The following ZHX2 variants were observed in gnomAD, a reference collection of about 807,000 sequenced individuals.
ZHX2 encodes zinc fingers and homeoboxes 2.
In ZHX2, 6 loss-of-function variants were observed where a neutral mutation model predicts 21.9. The ratio of observed to expected loss-of-function variants is 0.27; its 90% CI spans 0.15 to 0.54. The LOEUF is 0.54. Among genes scored for constraint, ZHX2 ranks in the 20% least tolerant of loss-of-function variants. The pLI, the probability that ZHX2 is intolerant of heterozygous loss-of-function variation, is 0.95. For synonymous variants in ZHX2, 434 were observed against 437.1 expected (o/e 0.99, Z 0.09); for missense variants, 908 against 1,090.7 (o/e 0.83, Z 2.36).
chr8:122,952,236 C>T lies in ZHX2; in HGVS notation c.726C>T (p.Val242=). Residue 242 remains valine, a synonymous_variant, in exon 3 of 4, where the codon GTC becomes GTT. Transcript: ENST00000314393. The surrounding 1 kb of genome is among the most constrained non-coding windows in gnomAD (Gnocchi z 6.9). Reference sequence around the variant, plus strand: ...TCCTCCAAGACACATTAGGACACGTCATGCCTTCTGTACAGCTGCCACCAA... The same window carrying T: ...TCCTCCAAGACACATTAGGACACGTTATGCCTTCTGTACAGCTGCCACCAA... ...VELLQDTLGH[V]MPSVQLPPNI... 5 of 1,614,040 alleles carry T rather than the reference C, an allele frequency of 3.1e-6. No individual in the cohort carries two copies. Among genetic ancestry groups the T allele is most frequent in the Non-Finnish European group, 4.2e-6 (5 of 1,180,014 alleles).
Position 122,953,309 on chromosome 8 carries a change from A to G in ZHX2, c.1799A>G (p.Lys600Arg), listed in dbSNP as rs1382488405. The G allele has an allele frequency of 6.2e-7, 1 of 1,614,020 alleles. No homozygotes were observed. The highest frequency in any genetic ancestry group is 1.7e-5 in the Admixed American group (1 of 60,012). The part of the protein sequence containing the change: ...AVLDSMGSGK[K>R]GQDVGAPNGA... ...TTGGATTCCATGGGGTCTGGCAAAA[A>G]AGGCCAAGATGTGGGAGCCCCCAAT... The change falls in exon 3 of 4, where the codon AAA becomes AGA. Residue 600 changes from lysine (K) to arginine (R), a missense_variant. By Grantham distance (26) the Lys-to-Arg change is conservative. Coordinates refer to ENST00000314393, the MANE Select transcript of ZHX2 (RefSeq NM_014943.5). This position sits in a 1 kb window ranked among gnomAD's most constrained non-coding sequence, Gnocchi z 4.6.
chr8:122,901,114 A>T (rs187842887), intron 2 of ZHX2, among the ~76,000 whole-genome samples: 16 of 152,368 alleles, frequency 1.1e-4, no homozygotes, highest in South Asian at 4.1e-4. Flanking sequence ...TGATTTTTTT[A>T]AATTATTAAG....
At chr8:122,832,217 C>T (rs1818392811) in intron 1 of ZHX2, among the ~76,000 whole-genome samples, 1 of 152,146 alleles carries the variant, frequency 6.6e-6, no homozygotes, top group Non-Finnish European at 1.5e-5. Context: ...ATAGAGCATA[C>T]AGTTGGAGGA....
intron 2 of ZHX2, among the ~76,000 whole-genome samples, chr8:122,865,560 G>A (rs1266624743): frequency 6.6e-6 from 1 of 152,142 alleles, no homozygotes; most frequent in Non-Finnish European, 1.5e-5. Context: ...AGCCCAGGGA[G>A]GCAATGTCTG....
intron 2 of ZHX2, among the ~76,000 whole-genome samples, chr8:122,897,657 CCTCACA>C (rs1820131870): frequency 6.6e-6 from 1 of 151,926 alleles, no homozygotes; most frequent in Non-Finnish European, 1.5e-5. Context: ...CAGAGTATTG[CCTCACA>C]TATGATGTGA....
intron 1 of ZHX2, among the ~76,000 whole-genome samples, chr8:122,846,978 G>A (rs1300407021): frequency 6.6e-6 from 1 of 152,112 alleles, no homozygotes. Context: ...GAGTTGAGCT[G>A]GATAAGGTAC....
At chr8:122,809,560 C>T (rs930258512) in intron 1 of ZHX2, among the ~76,000 whole-genome samples, 2 of 152,106 alleles carry the variant, frequency 1.3e-5, no homozygotes, top group Non-Finnish European at 2.9e-5. Flanking sequence ...AAACTAACCT[C>T]ACAGGGGAAA....
intron 1 of ZHX2, among the ~76,000 whole-genome samples, chr8:122,797,080 A>C (rs747038588): frequency 6.6e-6 from 1 of 152,206 alleles, no homozygotes; most frequent in Non-Finnish European, 1.5e-5. Context: ...CCTCTGGGAT[A>C]GGCATTGGAT....
intron 2 of ZHX2, among the ~76,000 whole-genome samples, chr8:122,923,367 G>A (rs1294006105): frequency 6.6e-6 from 1 of 152,234 alleles, no homozygotes; most frequent in Non-Finnish European, 1.5e-5. Context: ...CTTCCTCACA[G>A]CATGGTGGCC....
intron 1 of ZHX2, among the ~76,000 whole-genome samples, chr8:122,792,668 G>A (rs892245833): frequency 1.6e-4 from 25 of 152,258 alleles, no homozygotes; most frequent in African/African-American, 6.0e-4. Context: ...TTACAGGTGG[G>A]GGAACTGAGG....
At chr8:122,908,440 C>A (rs540352774) in intron 2 of ZHX2, among the ~76,000 whole-genome samples, 3 of 152,152 alleles carry the variant, frequency 2.0e-5, no homozygotes, top group African/African-American at 7.2e-5. Context: ...GAACTCCTGA[C>A]CTCAGATGTT....
chr8:122,955,017 C>G (rs939318182), intron 3 of ZHX2, among the ~76,000 whole-genome samples: 1 of 134,428 alleles, frequency 7.4e-6, no homozygotes, highest in Admixed American at 9.3e-5. Context: ...CCCATAACCC[C>G]TTCAAATCTG....
Position 122,952,736 on chromosome 8 carries a change from T to C in ZHX2, c.1226T>C (p.Leu409Ser). ...ACCAACCATGGCCAGAAGAGACCCTTGGTGACTCCCCAAGCTGCCCCCGAA... is the reference window on the plus strand; with the variant it reads ...ACCAACCATGGCCAGAAGAGACCCTCGGTGACTCCCCAAGCTGCCCCCGAA... Reference protein sequence around the residue: ...GVTNHGQKRPLVTPQAAPEPK... With the variant: ...GVTNHGQKRPSVTPQAAPEPK... Residue 409 changes from leucine (L) to serine (S), a missense_variant, in exon 3 of 4, where the codon TTG becomes TCG. Physicochemically the swap from Leu to Ser is moderately radical, Grantham distance 145. This residue lies in a region of ZHX2 where 232 missense variants were observed against 361.8 expected (regional missense o/e 0.64). Coordinates refer to ENST00000314393, the MANE Select transcript of ZHX2 (RefSeq NM_014943.5). The surrounding 1 kb of genome is among the most constrained non-coding windows in gnomAD (Gnocchi z 6.9). 6.2e-7 allele frequency: 1 copy of C among 1,614,064 alleles called. No individual in the cohort carries two copies. Among genetic ancestry groups the C allele is most frequent in the Non-Finnish European group, 8.5e-7 (1 of 1,180,014 alleles).
chr8:122,970,559 A>G (rs943828333), intron 3 of ZHX2, among the ~76,000 whole-genome samples: 2 of 152,140 alleles, frequency 1.3e-5, no homozygotes, highest in South Asian at 4.1e-4. Context: ...CCAACTCCAC[A>G]GCTCTTTCCA....
intron 3 of ZHX2, among the ~76,000 whole-genome samples, chr8:122,961,521 T>C (rs1813443166): frequency 6.6e-6 from 1 of 151,986 alleles, no homozygotes; most frequent in Non-Finnish European, 1.5e-5. Flanking sequence ...AGGTAATTTA[T>C]AAAGGAAAGA....
At chr8:122,846,039 A>T (rs765734269) in intron 1 of ZHX2, among the ~76,000 whole-genome samples, 2 of 152,138 alleles carry the variant, frequency 1.3e-5, no homozygotes, top group Non-Finnish European at 2.9e-5. Flanking sequence ...TGGAAGTTCC[A>T]GTAAGAGATG....
chr8:122,921,770 T>C (rs1391268138), intron 2 of ZHX2, among the ~76,000 whole-genome samples: 1 of 152,144 alleles, frequency 6.6e-6, no homozygotes, highest in Non-Finnish European at 1.5e-5. Context: ...TCACAATGTA[T>C]ACCTATATCA....
chr8:122,789,173 T>C (rs1237764537), intron 1 of ZHX2, among the ~76,000 whole-genome samples: 1 of 152,132 alleles, frequency 6.6e-6, no homozygotes, highest in Non-Finnish European at 1.5e-5. Flanking sequence ...AGAATGGCTG[T>C]GTTGCTGTTT....
chr8:122,854,446 T>C (rs1340055912), intron 1 of ZHX2, among the ~76,000 whole-genome samples: 2 of 152,194 alleles, frequency 1.3e-5, no homozygotes, highest in Non-Finnish European at 2.9e-5. Context: ...GCCAACCTAG[T>C]TGGTGGTGGG....
Sources: gnomAD v4.1 joint callset for allele counts (sites outside exome capture counted in the v4.1 genomes callset) on GRCh38, gnomAD v4.1.1 for gene constraint, gnomAD v4.1.1 regional missense constraint, Gnocchi (gnomAD v3.1) non-coding constraint, MANE v1.5 for transcripts, NCBI Gene and HGNC (gene_info 2026-07-23, HGNC 2026-07-21) for gene names.